Variants in AKAP12 observed in about 807,000 individuals in gnomAD.
AKAP12 encodes A-kinase anchoring protein 12.
Under a neutral mutation model 79.9 loss-of-function variants are expected in AKAP12, and 32 were observed. The observed-to-expected ratio is 0.40, with a 90% CI of 0.30 to 0.54. The LOEUF is 0.54. Ranked by LOEUF, AKAP12 falls within the 20% of genes least tolerant of loss-of-function variation. AKAP12 has a pLI of 0.48. For synonymous variants in AKAP12, 808 were observed against 857.0 expected (o/e 0.94, Z 1.00); for missense variants, 2,074 against 2,177.0 (o/e 0.95, Z 0.94).
intron 3 of AKAP12, among the ~76,000 whole-genome samples, chr6:151,321,996 C>G (rs1362026353): frequency 1.3e-5 from 2 of 151,052 alleles, no homozygotes; most frequent in Non-Finnish European, 2.9e-5. Flanking sequence ...GCAACCTCCA[C>G]CCCTCTGGGT....
chr6:151,324,118 C>A lies in AKAP12; in HGVS notation c.319+18215C>A, dbSNP rs944484421. On this transcript the variant is annotated intron_variant, in intron 3 of 4. Transcript: ENST00000402676. ...CAGTACCAGCAGCATTTCACACACA[C>A]CAGCCTCATTATTAAAATTGGAGCA... The A allele has an allele frequency of 9.8e-5, 97 of 985,262 alleles. No homozygotes were observed. The Middle Eastern group carries it at 2.1e-3, about 21-fold the overall frequency. The allele number at this position is 985,262 out of a possible 1,614,324, so 61.0% of individuals were successfully genotyped here.
At chr6:151,297,019 GTT>G (rs36046672) in intron 2 of AKAP12, among the ~76,000 whole-genome samples, 186 of 127,608 alleles carry the variant, frequency 1.5e-3, no homozygotes, top group South Asian at 2.3e-3. Flanking sequence ...AAATAAAAGG[GTT>G]TTTTTTTTTT....
rs1778326259 is a variant in AKAP12 at position 151,352,585 on chromosome 6, C to T, written c.4194C>T (p.Pro1398=). ...EVSSLEGSPP[P]CLGQEEAVCT... ...GCAGTTTGGAAGGAAGCCCTCCTCC[C>T]TGCCTAGGTCAAGAGGAGGCAGTAT... Residue 1398 remains proline, a synonymous_variant, in exon 4 of 5, where the codon CCC becomes CCT. Coordinates refer to ENST00000402676, the MANE Select transcript of AKAP12 (RefSeq NM_005100.4). The T allele has an allele frequency of 1.2e-6, 2 of 1,614,188 alleles. No individual in the cohort carries two copies. Among genetic ancestry groups the T allele is most frequent in the Non-Finnish European group, 1.7e-6 (2 of 1,180,046 alleles).
At chr6:151,290,776 T>A (rs1562723702) in intron 2 of AKAP12, among the ~76,000 whole-genome samples, 1 of 152,116 alleles carries the variant, frequency 6.6e-6, no homozygotes, top group Admixed American at 6.5e-5. Flanking sequence ...AGGCTAATTT[T>A]GTATTTTATT....
At position 151,305,864 on chromosome 6, in the gene AKAP12, C is replaced by T. The variant is rs1776966720; in HGVS notation, c.280C>T (p.Leu94=). ...AGGAGCCCTGAACGGTCAAGGAGCC[C>T]TAAACAGCCAGGAGGAAGAAGAAGT... The part of the protein sequence containing the change: ...QKGALNGQGA[L]NSQEEEEVIV... The change falls in exon 3 of 5, where the codon CTA becomes TTA. Residue 94 remains leucine (L), a synonymous_variant. Transcript: ENST00000402676. 6.2e-7 allele frequency: 1 copy of T among 1,613,310 alleles called. No individual in the cohort carries two copies. Among genetic ancestry groups the T allele is most frequent in the East Asian group, 2.2e-5 (1 of 44,868 alleles).
chr6:151,341,576 C>G (rs1582894148), intron 3 of AKAP12: 1 of 486,654 alleles, frequency 2.1e-6, no homozygotes, highest in Non-Finnish European at 2.9e-6. Context: ...CGGGCCCAGG[C>G]TTTCGCGAGC....
chr6:151,282,037 G>A (rs1230035325), intron 2 of AKAP12, among the ~76,000 whole-genome samples: 1 of 151,552 alleles, frequency 6.6e-6, no homozygotes, highest in Non-Finnish European at 1.5e-5. Flanking sequence ...ATGCAGGAGC[G>A]GGCTGTCCTC....
intron 3 of AKAP12, among the ~76,000 whole-genome samples, chr6:151,347,813 G>T (rs1290036320): frequency 6.6e-6 from 1 of 151,778 alleles, no homozygotes; most frequent in African/African-American, 2.4e-5. Context: ...GAGGTGGGTG[G>T]ATCACTAGAG....
At chr6:151,337,361 A>T (rs917491522) in intron 3 of AKAP12, among the ~76,000 whole-genome samples, 3 of 151,912 alleles carry the variant, frequency 2.0e-5, no homozygotes, top group African/African-American at 7.3e-5. Flanking sequence ...TAAAAATACA[A>T]AAAATTAGCC....
At chr6:151,326,284 C>A (rs1777523850) in intron 3 of AKAP12, among the ~76,000 whole-genome samples, 1 of 152,036 alleles carries the variant, frequency 6.6e-6, no homozygotes, top group Non-Finnish European at 1.5e-5. Context: ...AATCTCTTGC[C>A]GTAGTCATAG....
chr6:151,306,839 C>T (rs540782538), intron 3 of AKAP12, among the ~76,000 whole-genome samples: 31 of 152,320 alleles, frequency 2.0e-4, no homozygotes, highest in African/African-American at 7.2e-4. Flanking sequence ...GTCTCACAGG[C>T]GGAGTATTTG....
At chr6:151,245,816 A>G (rs1797063920) in intron 2 of AKAP12, among the ~76,000 whole-genome samples, 1 of 152,218 alleles carries the variant, frequency 6.6e-6, no homozygotes. Context: ...CACAAATTTA[A>G]GTAAAATTTG....
chr6:151,304,401 A>G (rs1000085268), intron 2 of AKAP12, among the ~76,000 whole-genome samples: 3 of 145,640 alleles, frequency 2.1e-5, no homozygotes, highest in African/African-American at 7.5e-5. Flanking sequence ...AGGCAGGAAG[A>G]TCACTTGAAC....
At chr6:151,315,418 G>A (rs1327043902) in intron 3 of AKAP12, among the ~76,000 whole-genome samples, 1 of 152,146 alleles carries the variant, frequency 6.6e-6, no homozygotes, top group African/African-American at 2.4e-5. Flanking sequence ...CCATTCATGA[G>A]TGCTCCATCC....
At chr6:151,240,757 G>A in intron 2 of AKAP12, 33 bp downstream of exon 2, 1 of 1,239,874 alleles carries the variant, frequency 8.1e-7, no homozygotes, top group Middle Eastern at 3.1e-4. Flanking sequence ...GCGCCGGGAG[G>A]CGCGGGTCTT....
intron 3 of AKAP12, among the ~76,000 whole-genome samples, chr6:151,321,000 T>C (rs1777368702): frequency 6.6e-6 from 1 of 152,028 alleles, no homozygotes. Flanking sequence ...TTCTTTTTTT[T>C]TTTTGAGAGG....
chr6:151,300,918 G>A (rs998077498), intron 2 of AKAP12, among the ~76,000 whole-genome samples: 3 of 152,156 alleles, frequency 2.0e-5, no homozygotes, highest in Non-Finnish European at 4.4e-5. Context: ...TAAGTGTAAG[G>A]AGCGTGTCTT....
rs1163331467 is a variant in AKAP12, at chr6:151,357,900, T to C, written c.*2186T>C. The C allele has an allele frequency of 3.3e-5, 5 of 152,022 alleles. No individual in the cohort carries two copies. Among genetic ancestry groups the C allele is most frequent in the East Asian group, 1.9e-4 (1 of 5,182 alleles). 9.4% of individuals were successfully genotyped at this position (152,022 alleles called of 1,614,324 possible). ...AAAGATTTGTGTAGTTTGTGGGAAA[T>C]TGACGTTTTTGTTTAAATTCCACCC... On this transcript the variant is annotated 3_prime_UTR_variant, in exon 5 of 5. Coordinates refer to ENST00000402676, the MANE Select transcript of AKAP12 (RefSeq NM_005100.4).
At chr6:151,339,957 C>T (rs531313335) in intron 3 of AKAP12, among the ~76,000 whole-genome samples, 5 of 151,452 alleles carry the variant, frequency 3.3e-5, no homozygotes, top group South Asian at 4.2e-4. Context: ...GACAGAGTCT[C>T]GCTCTGTTGC....
Sources: allele counts gnomAD v4.1 joint callset (sites outside exome capture counted in the v4.1 genomes callset), GRCh38; gene constraint gnomAD v4.1.1; transcripts MANE v1.5; gene names NCBI Gene and HGNC (gene_info 2026-07-23, HGNC 2026-07-21).